SLFN12: variants seen among roughly 807,000 people sequenced by gnomAD.
SLFN12 encodes the protein ribonuclease SLFN12.
Under a neutral mutation model 29.1 loss-of-function variants are expected in SLFN12, and 25 were observed. That is an observed-to-expected ratio of 0.86 (90% CI 0.63 to 1.20). The LOEUF is 1.20. Among genes scored for constraint, SLFN12 ranks in the 50% most tolerant of loss-of-function variants. The probability of loss-of-function intolerance (pLI) is 0.00; values close to 1 mark genes in which losing one functional copy is unlikely to be tolerated. For missense variants in SLFN12, 660 were observed against 666.2 expected, an observed-to-expected ratio of 0.99 and a Z score of 0.10; for synonymous variants, 257 against 238.7, an observed-to-expected ratio of 1.08 and a Z score of -0.71.
intron 3 of SLFN12, among the ~76,000 whole-genome samples, chr17:35,415,395 T>G (rs1410550113): frequency 6.6e-6 from 1 of 152,030 alleles, no homozygotes; most frequent in Non-Finnish European, 1.5e-5. Flanking sequence ...ATCTAAGACC[T>G]GAAACCATAA....
At chr17:35,414,560 A>G (rs545302554) in intron 3 of SLFN12, among the ~76,000 whole-genome samples, 11 of 152,142 alleles carry the variant, frequency 7.2e-5, no homozygotes, top group African/African-American at 2.6e-4. Context: ...TTCAACGAAA[A>G]CCCTATCAAA....
In SLFN12 at chr17:35,431,138, A is replaced by G. The variant is rs192490479; in HGVS notation, c.-41+1050T>C. 3.9e-5 allele frequency among the ~76,000 whole-genome samples: 6 copies of G among 152,328 alleles called. No individual in the cohort carries two copies. The East Asian group carries it at 1.2e-3, about 29-fold the overall frequency. ...GAATAAAATCCCTTTGTAAATGTTT[A>G]AATGGCCCATCGGGTAGCCAAATGT... On this transcript the variant is annotated intron_variant, in intron 1 of 3. Coordinates refer to ENST00000304905, the MANE Select transcript of SLFN12 (RefSeq NM_018042.5).
intron 1 of SLFN12, among the ~76,000 whole-genome samples, chr17:35,428,576 T>G (rs1912138356): frequency 6.6e-6 from 1 of 152,038 alleles, no homozygotes; most frequent in Admixed American, 6.6e-5. Context: ...CTAAGAGATA[T>G]TGGACCTAGC....
chr17:35,431,293 C>T (rs554285838), intron 1 of SLFN12, among the ~76,000 whole-genome samples: 8 of 152,156 alleles, frequency 5.3e-5, no homozygotes, highest in South Asian at 4.1e-4. Context: ...AACTTCCTCG[C>T]ACTTCAAAGA....
intron 1 of SLFN12, among the ~76,000 whole-genome samples, chr17:35,423,790 G>T (rs1456903989): frequency 6.6e-6 from 1 of 152,094 alleles, no homozygotes; most frequent in Non-Finnish European, 1.5e-5. Context: ...AAGTGATCAG[G>T]TTATGAGGGT....
rs1332995538 is a variant in SLFN12, at chr17:35,411,944, T to C, written c.1148-17A>G. On this transcript the variant is annotated splice_polypyrimidine_tract_variant and intron_variant, in intron 3 of 3. Coordinates refer to ENST00000304905, the MANE Select transcript of SLFN12 (RefSeq NM_018042.5). ...CTGATAGCCCTGAATAAGGAAATAA[T>C]AATAATAAATTATAAAACACTAGGA... 12 of 1,500,970 alleles carry C rather than the reference T, an allele frequency of 8.0e-6. No homozygotes were observed. The highest frequency in any genetic ancestry group is 1.1e-5 in the Non-Finnish European group (12 of 1,124,676). 93.0% of individuals were successfully genotyped at this position (1,500,970 alleles called of 1,614,324 possible).
chr17:35,411,679 A>T lies in SLFN12; in HGVS notation c.1396T>A (p.Phe466Ile), dbSNP rs61750831. The change falls in exon 4 of 4, where the codon TTT becomes ATT. Residue 466 changes from phenylalanine to isoleucine, a missense_variant. Transcript: ENST00000304905. Reference protein sequence around the residue: ...YTFHMVQDEEFKGYSTQTALT... With the variant: ...YTFHMVQDEEIKGYSTQTALT... Reference sequence around the variant, plus strand: ...GCAGTTTGTGTAGAATAGCCTTTAAACTCCTCATCCTGTACCATGTGGAAG... The same window carrying T: ...GCAGTTTGTGTAGAATAGCCTTTAATCTCCTCATCCTGTACCATGTGGAAG... The T allele has an allele frequency of 2.0e-4, 330 of 1,613,866 alleles. 1 individual carries two copies. In the African/African-American group the frequency reaches 4.1e-3, roughly 20 times the overall value.
At chr17:35,413,366 A>G (rs1911138143) in intron 3 of SLFN12, among the ~76,000 whole-genome samples, 1 of 152,126 alleles carries the variant, frequency 6.6e-6, no homozygotes, top group South Asian at 2.1e-4. Context: ...CTACAAAAAA[A>G]AAGAAAGTTA....
intron 1 of SLFN12, among the ~76,000 whole-genome samples, chr17:35,426,682 A>G (rs1423913445): frequency 6.6e-6 from 1 of 152,118 alleles, no homozygotes; most frequent in Admixed American, 6.5e-5. Context: ...AAAAACAGCG[A>G]TCTCTCACAG....
intron 1 of SLFN12, among the ~76,000 whole-genome samples, chr17:35,424,735 C>T (rs1366171019): frequency 1.1e-4 from 17 of 151,998 alleles, no homozygotes; most frequent in Non-Finnish European, 2.9e-5. Flanking sequence ...ACATTAGAGC[C>T]CCAAACCATT....
chr17:35,418,580 A>G (rs1911448481), intron 3 of SLFN12, among the ~76,000 whole-genome samples: 1 of 151,602 alleles, frequency 6.6e-6, no homozygotes, highest in African/African-American at 2.4e-5. Flanking sequence ...TACACACAAA[A>G]TATGTGTTAA....
In SLFN12 at chr17:35,420,209, T is replaced by C; in HGVS notation, c.1147+65A>G. 3 of 1,162,184 alleles carry C rather than the reference T, an allele frequency of 2.6e-6. No homozygotes were observed. In the Admixed American group the frequency reaches 5.6e-5, roughly 22 times the overall value. The allele number at this position is 1,162,184 out of a possible 1,614,324, so 72.0% of individuals were successfully genotyped here. On this transcript the variant is annotated intron_variant, in intron 3 of 3. Transcript: ENST00000304905. ...AGAGCAAATTTCAAGACTGAGCTGG[T>C]TTGAAGAGAAAGAGGTTTGACTACA... is the stretch of plus-strand genomic sequence containing the variant.
chr17:35,417,926 G>A (rs1320696769), intron 3 of SLFN12, among the ~76,000 whole-genome samples: 1 of 151,892 alleles, frequency 6.6e-6, no homozygotes, highest in African/African-American at 2.4e-5. Context: ...TACAAAATGT[G>A]TACACAGAAA....
At position 35,422,759 on chromosome 17, in the gene SLFN12, A is replaced by T. The variant is rs1911770093; in HGVS notation, c.270T>A (p.Val90=). ...TCTGCATGAAGTCTAAGTACTCAGGAACAAATAACAGAATGTTACTAAAAG... is the reference window on the plus strand; with the variant it reads ...TCTGCATGAAGTCTAAGTACTCAGGTACAAATAACAGAATGTTACTAAAAG... ...ENSFSNILLF[V]PEYLDFMQNG... is the part of the protein sequence containing the mutation. The change falls in exon 2 of 4, where the codon GTT becomes GTA. Residue 90 remains valine (V), a synonymous_variant. Transcript: ENST00000304905. The T allele has an allele frequency of 6.2e-7, 1 of 1,613,870 alleles. No individual in the cohort carries two copies. Among genetic ancestry groups the T allele is most frequent in the Non-Finnish European group, 8.5e-7 (1 of 1,179,916 alleles).
chr17:35,411,066 C>G lies in SLFN12; in HGVS notation c.*272G>C. 4.4e-6 allele frequency: 1 copy of G among 225,350 alleles called. No individual in the cohort carries two copies. The highest frequency in any genetic ancestry group is 8.6e-6 in the Non-Finnish European group (1 of 116,178). 14.0% of individuals were successfully genotyped at this position (225,350 alleles called of 1,614,324 possible). Reference sequence around the variant, plus strand: ...AAGAATAAAAGTGTTGCAATTTTCCCAGTTCAAGCATGGAAGAAAATTTAT... The same window carrying G: ...AAGAATAAAAGTGTTGCAATTTTCCGAGTTCAAGCATGGAAGAAAATTTAT... On this transcript the variant is annotated 3_prime_UTR_variant, in exon 4 of 4. Coordinates refer to ENST00000304905, the MANE Select transcript of SLFN12 (RefSeq NM_018042.5).
chr17:35,415,820 C>A (rs920270177), intron 3 of SLFN12, among the ~76,000 whole-genome samples: 5 of 152,118 alleles, frequency 3.3e-5, no homozygotes, highest in Non-Finnish European at 7.4e-5. Flanking sequence ...CCATCTTACA[C>A]CTGCAAGAAT....
chr17:35,417,448 C>CT (rs1365302503), intron 3 of SLFN12, among the ~76,000 whole-genome samples: 1 of 151,806 alleles, frequency 6.6e-6, no homozygotes, highest in East Asian at 1.9e-4. Flanking sequence ...ACCTCAATTT[C>CT]TTTTTTTTAT....
At chr17:35,421,045 T>TA (rs1911601916) in intron 2 of SLFN12, among the ~76,000 whole-genome samples, 1 of 151,608 alleles carries the variant, frequency 6.6e-6, no homozygotes, top group South Asian at 2.1e-4. Context: ...CCGTCTCTAC[T>TA]AAAAATACAA....
chr17:35,427,528 C>T (rs62078107), intron 1 of SLFN12, among the ~76,000 whole-genome samples: 1,857 of 152,208 alleles, frequency 0.012, 18 homozygotes, highest in Non-Finnish European at 0.019. Context: ...TATTATTTCA[C>T]ATTTTACCCA....
Sources: allele counts gnomAD v4.1 joint callset (sites outside exome capture counted in the v4.1 genomes callset), GRCh38; gene constraint gnomAD v4.1.1; transcripts MANE v1.5; gene names NCBI Gene and HGNC (gene_info 2026-07-23, HGNC 2026-07-21).